PCDHGA8: variants seen among roughly 807,000 people sequenced by gnomAD.
PCDHGA8 encodes the protein protocadherin gamma-A8.
Under a neutral mutation model 59.2 loss-of-function variants are expected in PCDHGA8, and 45 were observed. The observed-to-expected ratio is 0.76, with a 90% confidence interval of 0.60 to 0.98. The LOEUF (loss-of-function observed/expected upper bound fraction) is 0.98. Ranked by LOEUF, PCDHGA8 falls within the 50% of genes least tolerant of loss-of-function variation. PCDHGA8 has a pLI of 0.00. For synonymous variants in PCDHGA8, 531 were observed against 519.0 expected (o/e 1.02, Z -0.32); for missense variants, 1,257 against 1,196.2 (o/e 1.05, Z -0.75).
rs549266523 is a variant in PCDHGA8 at position 141,408,917 on chromosome 5, C to A, written c.2424+13680C>A. ...TTCTGTCAAGGATACCAATGATAAC[C>A]CCCCGGTTTTCAGCAGAGACGAATA... On this transcript the variant is annotated intron_variant, in intron 1 of 3. Coordinates refer to ENST00000398604, the MANE Select transcript of PCDHGA8 (RefSeq NM_032088.2). 12 of 1,613,366 alleles carry A rather than the reference C, an allele frequency of 7.4e-6. No homozygotes were observed. In the African/African-American group the frequency reaches 1.6e-4, roughly 22 times the overall value.
intron 1 of PCDHGA8, among the ~76,000 whole-genome samples, chr5:141,463,944 T>C (rs1454454223): frequency 3.3e-5 from 5 of 152,158 alleles, no homozygotes; most frequent in African/African-American, 4.8e-5. Flanking sequence ...TTTATAGAAA[T>C]CTTCATTTTT....
intron 1 of PCDHGA8, among the ~76,000 whole-genome samples, chr5:141,462,009 G>C (rs2099028674): frequency 6.6e-6 from 1 of 152,190 alleles, no homozygotes; most frequent in Non-Finnish European, 1.5e-5. Flanking sequence ...TTTTAATAGA[G>C]ACGGGGTTTC....
At chr5:141,418,549 C>A in intron 1 of PCDHGA8, 1 of 1,614,024 alleles carries the variant, frequency 6.2e-7, no homozygotes, top group Non-Finnish European at 8.5e-7. Context: ...AGATAAGAAT[C>A]CTGGTAATAG....
rs370264318 is a variant in PCDHGA8, at chr5:141,403,767, G to C, written c.2424+8530G>C. 1.0e-4 allele frequency: 169 copies of C among 1,613,880 alleles called. No homozygotes were observed. In the East Asian group the frequency reaches 1.6e-3, roughly 16 times the overall value. Reference sequence around the variant, plus strand: ...GCAACAGCCAGCGACCTGGATGAGGGAATCAACGGAAAAGTGGCATACAAA... The same window carrying C: ...GCAACAGCCAGCGACCTGGATGAGGCAATCAACGGAAAAGTGGCATACAAA... On this transcript the variant is annotated intron_variant, in intron 1 of 3. Coordinates refer to ENST00000398604, the MANE Select transcript of PCDHGA8 (RefSeq NM_032088.2).
chr5:141,490,111 A>G lies in PCDHGA8; in HGVS notation c.2425-4696A>G. 6.2e-7 allele frequency: 1 copy of G among 1,614,244 alleles called. No individual in the cohort carries two copies. The highest frequency in any genetic ancestry group is 8.5e-7 in the Non-Finnish European group (1 of 1,180,042). On this transcript the variant is annotated intron_variant, in intron 1 of 3. Coordinates refer to ENST00000398604, the MANE Select transcript of PCDHGA8 (RefSeq NM_032088.2). The surrounding 1 kb of genome is among the most constrained non-coding windows in gnomAD (Gnocchi z 5.4). ...AGACCACACATCTGAGGCAGTGCGGAACCTCTTTGGCCTAGACCCTAGCAG... is the reference window on the plus strand; with the variant it reads ...AGACCACACATCTGAGGCAGTGCGGGACCTCTTTGGCCTAGACCCTAGCAG...
At chr5:141,422,638 T>C (rs1412270971) in intron 1 of PCDHGA8, 1 of 1,612,392 alleles carries the variant, frequency 6.2e-7, no homozygotes, top group Non-Finnish European at 8.5e-7. Context: ...CAGGGGTGCC[T>C]CCATCTTCTC....
intron 1 of PCDHGA8, among the ~76,000 whole-genome samples, chr5:141,451,365 G>C (rs557753113): frequency 2.0e-5 from 3 of 152,116 alleles, no homozygotes; most frequent in Non-Finnish European, 4.4e-5. Context: ...GGATGGATCC[G>C]CTTCTAATCT....
chr5:141,427,193 CTT>C (rs2096998045), intron 1 of PCDHGA8: 3 of 456,614 alleles, frequency 6.6e-6, no homozygotes, highest in Non-Finnish European at 8.8e-6. Context: ...AATCCAAAGA[CTT>C]AATAGACTTC....
intron 1 of PCDHGA8, chr5:141,439,852 G>A (rs182049678): frequency 1.3e-5 from 2 of 152,474 alleles, no homozygotes; most frequent in African/African-American, 4.8e-5. Context: ...CTGTGGAAAA[G>A]GTGGGGAATG....
chr5:141,476,142 G>T lies in PCDHGA8; in HGVS notation c.2425-18665G>T. 6.2e-7 allele frequency: 1 copy of T among 1,610,446 alleles called. No individual in the cohort carries two copies. Among genetic ancestry groups the T allele is most frequent in the South Asian group, 1.1e-5 (1 of 90,868 alleles). On this transcript the variant is annotated intron_variant, in intron 1 of 3. Coordinates refer to ENST00000398604, the MANE Select transcript of PCDHGA8 (RefSeq NM_032088.2). The surrounding 1 kb of genome is among the most constrained non-coding windows in gnomAD (Gnocchi z 7.6). Reference sequence around the variant, plus strand: ...ATGGTCCCAGAGGCCTGGAGGAGCGGACTGGTAAGCACCGGGAGGGTAGTG... The same window carrying T: ...ATGGTCCCAGAGGCCTGGAGGAGCGTACTGGTAAGCACCGGGAGGGTAGTG...
rs2099623095 is a variant in PCDHGA8 at position 141,486,025 on chromosome 5, T to C, written c.2425-8782T>C. 1 of 1,613,958 alleles carries C rather than the reference T, an allele frequency of 6.2e-7. No individual in the cohort carries two copies. The highest frequency in any genetic ancestry group is 8.5e-7 in the Non-Finnish European group (1 of 1,179,932). The stretch of plus-strand genomic sequence containing the variant: ...ACGTCACCTTTTATTTCAGTGGTCA[T>C]ACCCCTGATCGTGTAAGAAACCTCT... On this transcript the variant is annotated intron_variant, in intron 1 of 3. Transcript: ENST00000398604. The surrounding 1 kb of genome is among the most constrained non-coding windows in gnomAD (Gnocchi z 5.0).
Position 141,489,463 on chromosome 5 carries a change from T to C in PCDHGA8, c.2425-5344T>C. ...GGGCTCTGAGGAGAATGGGCGCTAT[T>C]TTTCCCTGAGCTTGATGAGTGGTGC... On this transcript the variant is annotated intron_variant, in intron 1 of 3. Transcript: ENST00000398604. This position sits in a 1 kb window ranked among gnomAD's most constrained non-coding sequence, Gnocchi z 4.5. 6.2e-7 allele frequency: 1 copy of C among 1,614,050 alleles called. No individual in the cohort carries two copies. The highest frequency in any genetic ancestry group is 8.5e-7 in the Non-Finnish European group (1 of 1,180,002).
chr5:141,408,384 T>C, intron 1 of PCDHGA8: 2 of 1,614,014 alleles, frequency 1.2e-6, no homozygotes, highest in Non-Finnish European at 1.7e-6. Flanking sequence ...GTCCTGGATG[T>C]GTCGGCTCGC....
chr5:141,421,054 A>C, intron 1 of PCDHGA8: 2 of 571,978 alleles, frequency 3.5e-6, no homozygotes, highest in Non-Finnish European at 6.0e-6. Context: ...CGCCTCTACC[A>C]CACAAAGCGG....
intron 1 of PCDHGA8, chr5:141,399,413 C>T (rs1456440098): frequency 2.5e-5 from 41 of 1,613,930 alleles, no homozygotes; most frequent in Non-Finnish European, 3.2e-5. Context: ...CCGCCCCTCT[C>T]CTCCAGCATA....
intron 1 of PCDHGA8, chr5:141,399,783 C>T: frequency 6.2e-7 from 1 of 1,613,300 alleles, no homozygotes; most frequent in Non-Finnish European, 8.5e-7. Context: ...GCGACCGAAA[C>T]GACAACGCAC....
intron 1 of PCDHGA8, chr5:141,404,633 G>C: frequency 6.2e-7 from 1 of 1,614,170 alleles, no homozygotes; most frequent in Non-Finnish European, 8.5e-7. Flanking sequence ...CAATGCCCCA[G>C]AAATCCTGTA....
At position 141,392,736 on chromosome 5, in the gene PCDHGA8, C is replaced by T; in HGVS notation, c.-78C>T. 2.8e-6 allele frequency: 4 copies of T among 1,429,672 alleles called. No homozygotes were observed. The highest frequency in any genetic ancestry group is 3.7e-6 in the Non-Finnish European group (4 of 1,086,846). The allele number at this position is 1,429,672 out of a possible 1,614,324, so 88.6% of individuals were successfully genotyped here. ...CAGGTTTCCGGAGGATTGTCATCTC[C>T]ATAGCTGCGGCAAGAAACTAAATAA... On this transcript the variant is annotated 5_prime_UTR_variant, in exon 1 of 4. Transcript: ENST00000398604.
rs2099750571 is a variant in PCDHGA8, at chr5:141,493,878, T to A, written c.2425-929T>A. On this transcript the variant is annotated intron_variant, in intron 1 of 3. Coordinates refer to ENST00000398604, the MANE Select transcript of PCDHGA8 (RefSeq NM_032088.2). This position sits in a 1 kb window ranked among gnomAD's most constrained non-coding sequence, Gnocchi z 4.3. ...GCCCACCCCAGAACCAGTGAGGAGG[T>A]GGCTCTAGGAGTGCTCCATGAGAGT... is the stretch of plus-strand genomic sequence containing the variant. 6.6e-6 allele frequency among the ~76,000 whole-genome samples: 1 copy of A among 152,072 alleles called. No homozygotes were observed. The highest frequency in any genetic ancestry group is 6.6e-5 in the Admixed American group (1 of 15,264).
Sources: allele counts gnomAD v4.1 joint callset (sites outside exome capture counted in the v4.1 genomes callset), GRCh38; gene constraint gnomAD v4.1.1; non-coding constraint Gnocchi (gnomAD v3.1); transcripts MANE v1.5; gene names NCBI Gene and HGNC (gene_info 2026-07-23, HGNC 2026-07-21).